Variants in SUGCT observed in about 807,000 individuals in gnomAD.
SUGCT encodes the protein succinyl-CoA:glutarate CoA-transferase.
Under a neutral mutation model 55.0 loss-of-function variants are expected in SUGCT, and 41 were observed. That is an observed-to-expected ratio of 0.74 (90% confidence interval 0.58 to 0.97). The LOEUF (loss-of-function observed/expected upper bound fraction) is 0.97. Among genes scored for constraint, SUGCT ranks in the 50% least tolerant of loss-of-function variants. The pLI is 0.00. For synonymous variants in SUGCT, 187 were observed against 200.4 expected (o/e 0.93, Z 0.56); for missense variants, 568 against 547.8 (o/e 1.04, Z -0.37).
chr7:40,725,648 C>T (rs1465740608), intron 12 of SUGCT, among the ~76,000 whole-genome samples: 2 of 151,470 alleles, frequency 1.3e-5, no homozygotes, highest in African/African-American at 4.9e-5. Flanking sequence ...TATGAGGAAG[C>T]TGATATGCTT....
At position 40,359,541 on chromosome 7, in the gene SUGCT, G is replaced by A. The variant is rs564020945; in HGVS notation, c.816+42686G>A. ...TTAGTACAGTAAGACTGGACCTGAC[G>A]TGGCAATATCAGTACAAGTTTCATG... On this transcript the variant is annotated intron_variant, in intron 9 of 13. Coordinates refer to ENST00000335693, the MANE Select transcript of SUGCT (RefSeq NM_001193313.2). Among the ~76,000 whole-genome samples the A allele has an allele frequency of 3.9e-5, 6 of 152,208 alleles. No individual in the cohort carries two copies. The South Asian group carries it at 6.2e-4, about 16-fold the overall frequency.
intron 6 of SUGCT, among the ~76,000 whole-genome samples, chr7:40,220,424 T>C (rs1281733010): frequency 1.3e-5 from 2 of 152,240 alleles, no homozygotes; most frequent in Non-Finnish European, 2.9e-5. Flanking sequence ...AAAGTTGTTA[T>C]TGGTTCATGA....
At chr7:40,146,909 T>C (rs1484767803) in intron 1 of SUGCT, among the ~76,000 whole-genome samples, 3 of 152,198 alleles carry the variant, frequency 2.0e-5, no homozygotes, top group Non-Finnish European at 4.4e-5. Context: ...TTTAAAGGAA[T>C]AGGGTACACT....
At chr7:40,898,496 G>GGGGGGGGGGA in the SUGCT span, among the ~76,000 whole-genome samples, 1 of 101,870 alleles carries the variant, frequency 9.8e-6, no homozygotes, top group Non-Finnish European at 2.3e-5. Context: ...GGGGGGGGGG[G>GGGGGGGGGGA]GTGGATCACG....
intron 8 of SUGCT, among the ~76,000 whole-genome samples, chr7:40,316,182 A>T (rs575963127): frequency 2.6e-5 from 4 of 152,226 alleles, no homozygotes; most frequent in Admixed American, 2.6e-4. Flanking sequence ...AATTAATTTT[A>T]AAAACTCAAA....
At chr7:40,864,044 C>G (rs1429996902), downstream of SUGCT, among the ~76,000 whole-genome samples, 1 of 152,200 alleles carries the variant, frequency 6.6e-6, no homozygotes, top group Admixed American at 6.5e-5. Context: ...GCGTTTCTTA[C>G]TATCCCAGTA....
intron 13 of SUGCT, among the ~76,000 whole-genome samples, chr7:40,807,468 G>A (rs1479467357): frequency 2.0e-5 from 3 of 152,136 alleles, no homozygotes; most frequent in East Asian, 1.9e-4. Context: ...CAGTTTCTCC[G>A]CAGAAACAGG....
intron 5 of SUGCT, among the ~76,000 whole-genome samples, chr7:40,190,539 G>T (rs991424998): frequency 1.3e-5 from 2 of 152,086 alleles, no homozygotes; most frequent in African/African-American, 4.8e-5. Flanking sequence ...GTGAGCCACC[G>T]CGCCCAGCCC....
chr7:40,885,833 G>A, the SUGCT span, among the ~76,000 whole-genome samples: 1 of 152,170 alleles, frequency 6.6e-6, no homozygotes. Flanking sequence ...GTCTTGGTAT[G>A]ACCCTCCTAG....
intron 12 of SUGCT, among the ~76,000 whole-genome samples, chr7:40,635,341 A>G (rs1799978936): frequency 6.6e-6 from 1 of 152,162 alleles, no homozygotes; most frequent in Non-Finnish European, 1.5e-5. Flanking sequence ...GATTGAGTCA[A>G]TTACATAAAA....
At chr7:40,593,400 G>C (rs909857901) in intron 12 of SUGCT, among the ~76,000 whole-genome samples, 4 of 152,166 alleles carry the variant, frequency 2.6e-5, no homozygotes, top group South Asian at 2.1e-4. Flanking sequence ...GATGGATTTT[G>C]TTGGCAACTA....
At chr7:40,674,455 A>T (rs1224531126) in intron 12 of SUGCT, among the ~76,000 whole-genome samples, 1 of 152,200 alleles carries the variant, frequency 6.6e-6, no homozygotes, top group Admixed American at 6.5e-5. Flanking sequence ...AATACTCATG[A>T]AGACATTTAA....
At chr7:40,324,714 A>G (rs763884001) in intron 9 of SUGCT, among the ~76,000 whole-genome samples, 7 of 152,132 alleles carry the variant, frequency 4.6e-5, no homozygotes, top group South Asian at 2.1e-4. Context: ...TGTCTATTCT[A>G]TGATGTGGTC....
intron 6 of SUGCT, among the ~76,000 whole-genome samples, chr7:40,233,651 G>A (rs1255650292): frequency 6.6e-6 from 1 of 152,080 alleles, no homozygotes; most frequent in African/African-American, 2.4e-5. Flanking sequence ...ATACCTCAGG[G>A]TAGTTTTCTT....
intron 12 of SUGCT, among the ~76,000 whole-genome samples, chr7:40,572,252 G>A (rs1796489540): frequency 6.6e-6 from 1 of 152,116 alleles, no homozygotes; most frequent in African/African-American, 2.4e-5. Flanking sequence ...TAAAAATTCA[G>A]GGGGGAAAAA....
intron 12 of SUGCT, among the ~76,000 whole-genome samples, chr7:40,534,711 G>A (rs551636227): frequency 4.6e-5 from 7 of 152,278 alleles, no homozygotes; most frequent in South Asian, 2.1e-4. Context: ...GAGCCACTGC[G>A]CCCGGCCTAA....
chr7:40,830,333 A>G (rs896718694), intron 13 of SUGCT, among the ~76,000 whole-genome samples: 1 of 152,166 alleles, frequency 6.6e-6, no homozygotes, highest in Non-Finnish European at 1.5e-5. Context: ...TGCAGAGCAC[A>G]TATCAACAGA....
At chr7:40,780,155 A>G (rs1584430419) in intron 13 of SUGCT, among the ~76,000 whole-genome samples, 1 of 152,104 alleles carries the variant, frequency 6.6e-6, no homozygotes, top group Non-Finnish European at 1.5e-5. Context: ...GCATCCCTAC[A>G]AGTGTAGTTC....
the SUGCT span, among the ~76,000 whole-genome samples, chr7:40,973,148 C>T: frequency 2.6e-5 from 4 of 152,176 alleles, no homozygotes; most frequent in African/African-American, 7.2e-5. Flanking sequence ...ACAACATTGC[C>T]TCTCCTCCTC....
Sources: allele counts gnomAD v4.1 joint callset (sites outside exome capture counted in the v4.1 genomes callset), GRCh38; gene constraint gnomAD v4.1.1; transcripts MANE v1.5; gene names NCBI Gene and HGNC (gene_info 2026-07-23, HGNC 2026-07-21).